The following TESK2 variants were observed in gnomAD, a reference collection of about 807,000 sequenced individuals.
The protein encoded by TESK2 is dual specificity testis-specific protein kinase 2.
Under a neutral mutation model 57.1 loss-of-function variants are expected in TESK2, and 39 were observed. The observed-to-expected ratio is 0.68, with a 90% confidence interval of 0.53 to 0.89. The LOEUF is 0.89. TESK2 is among the 40% of genes least tolerant of loss of function. The probability of loss-of-function intolerance (pLI) is 0.00; values close to 1 mark genes in which losing one functional copy is unlikely to be tolerated. For synonymous variants in TESK2, 249 were observed against 267.9 expected (o/e 0.93, Z 0.69); for missense variants, 646 against 732.1 (o/e 0.88, Z 1.36).
intron 3 of TESK2, among the ~76,000 whole-genome samples, chr1:45,397,824 C>T (rs973205291): frequency 2.6e-5 from 4 of 152,152 alleles, no homozygotes; most frequent in African/African-American, 9.7e-5. Context: ...TCAAGAACAC[C>T]TCCAAATAAC....
intron 1 of TESK2, among the ~76,000 whole-genome samples, chr1:45,481,087 C>T (rs958801941): frequency 1.1e-4 from 17 of 149,280 alleles, no homozygotes; most frequent in African/African-American, 3.9e-4. Flanking sequence ...AATAAGCGGC[C>T]GGGCCTGGTG....
At chr1:45,364,733 T>C (rs1647835385) in intron 4 of TESK2, among the ~76,000 whole-genome samples, 1 of 152,150 alleles carries the variant, frequency 6.6e-6, no homozygotes, top group Non-Finnish European at 1.5e-5. Flanking sequence ...CAAGAAAAAG[T>C]TGGCTATAGT....
At chr1:45,393,461 G>A (rs1056536508) in intron 3 of TESK2, among the ~76,000 whole-genome samples, 15 of 152,274 alleles carry the variant, frequency 9.9e-5, no homozygotes, top group Non-Finnish European at 1.6e-4. Context: ...GAAAAAGAGC[G>A]GCCGGGCATA....
rs1650295957 is a variant in TESK2 at position 45,417,614 on chromosome 1, C to T, written c.344+4111G>A. ...TTATGTTTTCTTTTTTTTTTTGAGACAGAGTCTCGCTCTGTCGCCTGGGCT... is the reference window on the plus strand; with the variant it reads ...TTATGTTTTCTTTTTTTTTTTGAGATAGAGTCTCGCTCTGTCGCCTGGGCT... On this transcript the variant is annotated intron_variant, in intron 3 of 10. Coordinates refer to ENST00000372086, the MANE Select transcript of TESK2 (RefSeq NM_007170.3). Among the ~76,000 whole-genome samples the T allele has an allele frequency of 1.3e-5, 2 of 151,200 alleles. 1 individual carries two copies. Among genetic ancestry groups the T allele is most frequent in the South Asian group, 4.2e-4 (2 of 4,792 alleles).
intron 1 of TESK2, among the ~76,000 whole-genome samples, chr1:45,465,433 AG>A (rs1652507259): frequency 6.7e-6 from 1 of 149,646 alleles, no homozygotes; most frequent in Non-Finnish European, 1.5e-5. Flanking sequence ...AGAGAGAGAG[AG>A]AGAAAGAGAA....
At chr1:45,410,549 A>G (rs781227) in intron 3 of TESK2, among the ~76,000 whole-genome samples, 139,822 of 151,988 alleles carry the variant, frequency 0.92, 65,520 homozygotes, top group East Asian at 1. Context: ...AGGTTGTAGT[A>G]AGCTGAGATT....
At chr1:45,456,578 T>C (rs1652108150) in intron 2 of TESK2, among the ~76,000 whole-genome samples, 1 of 152,052 alleles carries the variant, frequency 6.6e-6, no homozygotes, top group Non-Finnish European at 1.5e-5. Flanking sequence ...TATTTGGGTT[T>C]TTTTTTTCCT....
chr1:45,355,943 G>A (rs970809731), intron 4 of TESK2, among the ~76,000 whole-genome samples: 1 of 152,176 alleles, frequency 6.6e-6, no homozygotes. Context: ...AGGCTGACAT[G>A]TTTTGCTAAG....
chr1:45,367,657 T>TA (rs1491551904), intron 4 of TESK2, among the ~76,000 whole-genome samples: 1 of 45,336 alleles, frequency 2.2e-5, no homozygotes, highest in Admixed American at 2.8e-4. Context: ...TCACAAAGCA[T>TA]TTTTTTTTTT....
intron 1 of TESK2, among the ~76,000 whole-genome samples, chr1:45,470,520 G>A (rs1365828971): frequency 2.0e-5 from 3 of 152,084 alleles, no homozygotes; most frequent in African/African-American, 7.2e-5. Context: ...TATACACAAT[G>A]GCATATATTA....
At chr1:45,418,633 T>C (rs578158129) in intron 3 of TESK2, among the ~76,000 whole-genome samples, 64 of 152,308 alleles carry the variant, frequency 4.2e-4, no homozygotes, top group Admixed American at 1.6e-3. Context: ...AGTGTGAAGA[T>C]GAAATCTTTA....
At position 45,455,770 on chromosome 1, in the gene TESK2, C is replaced by T. The variant is rs537543555; in HGVS notation, c.222+1794G>A. On this transcript the variant is annotated intron_variant, in intron 2 of 10. Coordinates refer to ENST00000372086, the MANE Select transcript of TESK2 (RefSeq NM_007170.3). ...AATTTATGTTATATATATTTTACTG[C>T]AATAAAAAGTATTTTAGAGAAAGAC... 7.3e-5 allele frequency among the ~76,000 whole-genome samples: 11 copies of T among 151,306 alleles called. No homozygotes were observed. In the South Asian group the frequency reaches 1.9e-3, roughly 26 times the overall value.
At chr1:45,394,135 A>G (rs922186095) in intron 3 of TESK2, among the ~76,000 whole-genome samples, 50 of 151,830 alleles carry the variant, frequency 3.3e-4, no homozygotes, top group African/African-American at 1.0e-3. Flanking sequence ...ATTCATGTTG[A>G]GAAGGAGGGT....
At chr1:45,375,910 T>C (rs769046353) in intron 4 of TESK2, among the ~76,000 whole-genome samples, 12 of 152,174 alleles carry the variant, frequency 7.9e-5, no homozygotes, top group Admixed American at 5.2e-4. Context: ...AGAGAAAAAC[T>C]GTTTTAAGGA....
At chr1:45,440,898 T>C (rs780901647) in intron 2 of TESK2, among the ~76,000 whole-genome samples, 2 of 152,116 alleles carry the variant, frequency 1.3e-5, no homozygotes, top group Non-Finnish European at 2.9e-5. Context: ...AGCAAGAACT[T>C]GAGGCCCTCA....
intron 1 of TESK2, among the ~76,000 whole-genome samples, chr1:45,490,548 A>C (rs572139548): frequency 3.3e-4 from 51 of 152,270 alleles, no homozygotes; most frequent in African/African-American, 1.1e-3. Flanking sequence ...AGTCTCTGAA[A>C]CAAGAGTTTT....
At chr1:45,435,446 TA>T (rs1651157261) in intron 2 of TESK2, among the ~76,000 whole-genome samples, 1 of 150,396 alleles carries the variant, frequency 6.6e-6, no homozygotes, top group Admixed American at 6.7e-5. Context: ...TTTTTTTTTC[TA>T]AAGACAGGGT....
rs1201649488 is a variant in TESK2 at position 45,472,607 on chromosome 1, G to A, written c.-86-14736C>T. ...TCAAGTAGACATATGAGGTACAAGA[G>A]GTACCCAGATGACTCCAAGTTTAAC... On this transcript the variant is annotated intron_variant, in intron 1 of 10. Transcript: ENST00000372086. Among the ~76,000 whole-genome samples, 5 of 151,440 alleles carry A rather than the reference G, an allele frequency of 3.3e-5. No homozygotes were observed. In the East Asian group the frequency reaches 7.7e-4, roughly 23 times the overall value.
intron 2 of TESK2, among the ~76,000 whole-genome samples, chr1:45,443,553 G>A (rs1651528541): frequency 1.8e-5 from 2 of 109,258 alleles, no homozygotes; most frequent in Non-Finnish European, 3.4e-5. Context: ...CTGGGTGGCA[G>A]AGCGAGATCC....
Sources: allele counts gnomAD v4.1 joint callset (sites outside exome capture counted in the v4.1 genomes callset), GRCh38; gene constraint gnomAD v4.1.1; transcripts MANE v1.5; gene names NCBI Gene and HGNC (gene_info 2026-07-23, HGNC 2026-07-21).